Variants in RBM6 observed in about 807,000 individuals in gnomAD.
RBM6 encodes the protein RNA-binding protein 6.
A neutral mutation model predicts 140.4 loss-of-function variants in RBM6; 23 were observed. The observed-to-expected ratio is 0.16, with a 90% CI of 0.12 to 0.23. The LOEUF is 0.23. Among genes scored for constraint, RBM6 ranks in the 10% least tolerant of loss-of-function variants. RBM6 has a pLI of 1.00. For synonymous variants in RBM6, 439 were observed against 475.6 expected (o/e 0.92, Z 1.00); for missense variants, 1,139 against 1,386.7 (o/e 0.82, Z 2.84).
intron 5 of RBM6, among the ~76,000 whole-genome samples, chr3:49,979,973 A>G (rs2085229743): frequency 2.0e-5 from 3 of 151,824 alleles, no homozygotes; most frequent in Admixed American, 2.0e-4. Flanking sequence ...GTTGATAACT[A>G]CTGTGGTTAT....
intron 6 of RBM6, among the ~76,000 whole-genome samples, chr3:50,001,921 G>A (rs1333078647): frequency 6.6e-6 from 1 of 152,156 alleles, no homozygotes; most frequent in Admixed American, 6.5e-5. Flanking sequence ...TAGAGGGGTG[G>A]TCAGGGAAAC....
At chr3:50,075,972 TC>T (rs2090446686) in intron 20 of RBM6, among the ~76,000 whole-genome samples, 1 of 151,794 alleles carries the variant, frequency 6.6e-6, no homozygotes, top group African/African-American at 2.4e-5. Flanking sequence ...AAGATTCTTT[TC>T]TTTTTTTTTT....
In RBM6 at chr3:50,061,968, G is replaced by A. The variant is rs1352112810; in HGVS notation, c.2446G>A (p.Val816Ile). ...GTTTCCAACTGTATCGCAGCAAGAAGTCTATGTGCCCCAGGATCCTGGATT... is the reference window on the plus strand; with the variant it reads ...GTTTCCAACTGTATCGCAGCAAGAAATCTATGTGCCCCAGGATCCTGGATT... ...TYYDPNTQQE[V>I]YVPQDPGLPE... Residue 816 changes from valine (V) to isoleucine (I), a missense_variant, in exon 15 of 21, where the codon GTC (valine) becomes ATC (isoleucine). This residue lies in a region of RBM6 where 163 missense variants were observed against 182.8 expected (regional missense o/e 0.89). Coordinates refer to ENST00000266022, the MANE Select transcript of RBM6 (RefSeq NM_005777.3). The A allele has an allele frequency of 1.2e-6, 2 of 1,613,010 alleles. No individual in the cohort carries two copies. The highest frequency in any genetic ancestry group is 2.7e-5 in the African/African-American group (2 of 74,834).
intron 5 of RBM6, among the ~76,000 whole-genome samples, chr3:49,998,000 A>G (rs1343594517): frequency 5.9e-5 from 9 of 152,150 alleles, no homozygotes; most frequent in Admixed American, 4.6e-4. Flanking sequence ...TAGAAAATCT[A>G]TTTCTCATCC....
intron 3 of RBM6, 92 bp from the exon 4 acceptor site, chr3:49,971,964 TATC>T (rs2084812666): frequency 2.3e-6 from 2 of 888,134 alleles, no homozygotes; most frequent in African/African-American, 1.7e-5. Flanking sequence ...GACATGTCAT[TATC>T]ATTTTTGATC....
At chr3:50,020,067 T>C (rs6799579) in intron 6 of RBM6, among the ~76,000 whole-genome samples, 131,332 of 151,988 alleles carry the variant, frequency 0.86, 57,106 homozygotes, top group African/African-American at 0.96. Flanking sequence ...TACAGGCACA[T>C]ACCACCATAC....
intron 5 of RBM6, among the ~76,000 whole-genome samples, chr3:49,997,621 G>A (rs2086147357): frequency 6.6e-6 from 1 of 152,216 alleles, no homozygotes; most frequent in Non-Finnish European, 1.5e-5. Flanking sequence ...ACACACTAGA[G>A]AGTACACCTG....
At chr3:49,999,907 C>A (rs2086247070) in intron 6 of RBM6, among the ~76,000 whole-genome samples, 1 of 152,194 alleles carries the variant, frequency 6.6e-6, no homozygotes. Context: ...TCAATAGTTA[C>A]ACCCAGACCT....
At chr3:49,998,418 C>T (rs1348161972) in intron 5 of RBM6, among the ~76,000 whole-genome samples, 1 of 152,102 alleles carries the variant, frequency 6.6e-6, no homozygotes, top group African/African-American at 2.4e-5. Flanking sequence ...AGTGTGATTC[C>T]TAGAGATGAG....
chr3:49,982,282 T>TTTTTTTTTTTTTTTTA (rs2085344003), intron 5 of RBM6, among the ~76,000 whole-genome samples: 1 of 146,676 alleles, frequency 6.8e-6, no homozygotes. Context: ...TTTTTTTTTT[T>TTTTTTTTTTTTTTTTA]TTTTTTTTGG....
intron 7 of RBM6, among the ~76,000 whole-genome samples, chr3:50,049,392 G>A (rs1000569196): frequency 3.9e-5 from 6 of 152,108 alleles, no homozygotes; most frequent in African/African-American, 1.4e-4. Flanking sequence ...TTACAGGCTT[G>A]AGCCACGGCA....
chr3:49,985,015 C>A (rs1034014556), intron 5 of RBM6, among the ~76,000 whole-genome samples: 62 of 152,188 alleles, frequency 4.1e-4, no homozygotes, highest in African/African-American at 1.3e-3. Flanking sequence ...TGAGTTCCCT[C>A]ACCCTTCTTT....
chr3:50,031,738 A>G (rs2088178588), intron 6 of RBM6, among the ~76,000 whole-genome samples: 1 of 152,196 alleles, frequency 6.6e-6, no homozygotes, highest in South Asian at 2.1e-4. Context: ...AAAAAAAAAG[A>G]CCTACTATTT....
At chr3:50,063,206 T>C (rs1402987518) in intron 15 of RBM6, among the ~76,000 whole-genome samples, 2 of 152,194 alleles carry the variant, frequency 1.3e-5, no homozygotes, top group Non-Finnish European at 2.9e-5. Flanking sequence ...TCTAATCTTA[T>C]ACTGTCATAA....
At chr3:50,002,460 C>T (rs2086383966) in intron 6 of RBM6, among the ~76,000 whole-genome samples, 1 of 152,046 alleles carries the variant, frequency 6.6e-6, no homozygotes, top group African/African-American at 2.4e-5. Flanking sequence ...TGGGGTTTCA[C>T]CATGTTTGCC....
chr3:49,964,151 C>T (rs2084405881), intron 2 of RBM6, among the ~76,000 whole-genome samples: 1 of 152,146 alleles, frequency 6.6e-6, no homozygotes, highest in African/African-American at 2.4e-5. Flanking sequence ...AAGTGATCCA[C>T]CTACCTCAGC....
intron 3 of RBM6, among the ~76,000 whole-genome samples, chr3:49,970,958 C>T (rs1224888036): frequency 6.6e-6 from 1 of 151,924 alleles, no homozygotes; most frequent in African/African-American, 2.4e-5. Flanking sequence ...GGTGAAACCC[C>T]ATCTCTACTA....
At chr3:50,022,088 A>G (rs2087523607) in intron 6 of RBM6, among the ~76,000 whole-genome samples, 1 of 151,988 alleles carries the variant, frequency 6.6e-6, no homozygotes, top group Non-Finnish European at 1.5e-5. Flanking sequence ...ATATTTTATG[A>G]CTTAATAAAT....
At chr3:50,038,877 G>GC (rs1338508214) in intron 6 of RBM6, among the ~76,000 whole-genome samples, 1 of 152,170 alleles carries the variant, frequency 6.6e-6, no homozygotes, top group Non-Finnish European at 1.5e-5. Context: ...TAAATCAGCT[G>GC]CCCTTCACTC....
Sources: allele counts gnomAD v4.1 joint callset (sites outside exome capture counted in the v4.1 genomes callset), GRCh38; gene constraint gnomAD v4.1.1; regional missense constraint gnomAD v4.1.1; transcripts MANE v1.5; gene names NCBI Gene and HGNC (gene_info 2026-07-23, HGNC 2026-07-21).